SGPP2: variants seen among roughly 807,000 people sequenced by gnomAD.
The protein encoded by SGPP2 is sphingosine 1-phosphate phosphohydrolase 2.
In SGPP2, 30 loss-of-function variants were observed where a neutral mutation model predicts 33.9. The observed-to-expected ratio is 0.89, with a 90% CI of 0.66 to 1.20. SGPP2 has a LOEUF of 1.20. Among genes scored for constraint, SGPP2 ranks in the 50% most tolerant of loss-of-function variants. The probability of loss-of-function intolerance (pLI) is 0.00; values close to 1 mark genes in which losing one functional copy is unlikely to be tolerated. For synonymous variants in SGPP2, 233 were observed against 225.0 expected (o/e 1.04, Z -0.32); for missense variants, 458 against 532.1 (o/e 0.86, Z 1.37).
chr2:222,519,052 A>G (rs1698646195), intron 2 of SGPP2, among the ~76,000 whole-genome samples: 1 of 152,212 alleles, frequency 6.6e-6, no homozygotes, highest in South Asian at 2.1e-4. Context: ...AACCAAAATT[A>G]TTTTGAAATA....
At chr2:222,436,985 T>G (rs1446215756) in intron 1 of SGPP2, among the ~76,000 whole-genome samples, 4 of 152,166 alleles carry the variant, frequency 2.6e-5, no homozygotes, top group African/African-American at 9.7e-5. Context: ...CCATGGCCAC[T>G]TTGTTCATGG....
At chr2:222,425,721 A>G (rs906754993) in intron 1 of SGPP2, among the ~76,000 whole-genome samples, 1 of 152,226 alleles carries the variant, frequency 6.6e-6, no homozygotes, top group African/African-American at 2.4e-5. Context: ...CGTATTAATA[A>G]TTCGAATTCC....
rs2106101123 is a variant in SGPP2, at chr2:222,479,452, G to A, written c.378+4726G>A. On this transcript the variant is annotated intron_variant, in intron 2 of 4. Transcript: ENST00000321276. ...GAGTATCGCTCTGTCACCCAAGCTG[G>A]AGTGCAGTGGCGCGATCTCGGCTCA... Among the ~76,000 whole-genome samples, 2 of 143,300 alleles carry A rather than the reference G, an allele frequency of 1.4e-5. 1 individual carries two copies. The highest frequency in any genetic ancestry group is 4.4e-4 in the South Asian group (2 of 4,524). The allele number at this position is 143,300 out of a possible 152,430, so 94.0% of individuals were successfully genotyped here.
At chr2:222,443,089 A>G (rs535257130) in intron 1 of SGPP2, among the ~76,000 whole-genome samples, 20 of 152,230 alleles carry the variant, frequency 1.3e-4, no homozygotes, top group Non-Finnish European at 2.8e-4. Flanking sequence ...AACTGTGACA[A>G]TCTTAAAATT....
intron 4 of SGPP2, among the ~76,000 whole-genome samples, chr2:222,525,716 C>T (rs908380171): frequency 2.0e-5 from 3 of 152,276 alleles, no homozygotes; most frequent in Admixed American, 6.5e-5. Context: ...TATTTATCAT[C>T]GTAATAGGTA....
intron 2 of SGPP2, among the ~76,000 whole-genome samples, chr2:222,488,871 T>C (rs1698154431): frequency 6.6e-6 from 1 of 152,184 alleles, no homozygotes. Flanking sequence ...TTAAATTTCT[T>C]CTCGCATTCA....
intron 2 of SGPP2, among the ~76,000 whole-genome samples, chr2:222,509,869 CT>C (rs1409865545): frequency 6.6e-6 from 1 of 152,202 alleles, no homozygotes; most frequent in African/African-American, 2.4e-5. Context: ...TTTTTACCCC[CT>C]GAAAAGGAAC....
At position 222,441,048 on chromosome 2, in the gene SGPP2, A is replaced by G. The variant is rs574487897; in HGVS notation, c.219+16227A>G. ...TTTGAGGGTTACTTTGTCCATGTGTAATTTCATTGAGAGTAGCTGTCTAAT... is the reference window on the plus strand; with the variant it reads ...TTTGAGGGTTACTTTGTCCATGTGTGATTTCATTGAGAGTAGCTGTCTAAT... On this transcript the variant is annotated intron_variant, in intron 1 of 4. Coordinates refer to ENST00000321276, the MANE Select transcript of SGPP2 (RefSeq NM_152386.4). Among the ~76,000 whole-genome samples the G allele has an allele frequency of 4.2e-4, 64 of 152,382 alleles. 1 individual carries two copies. The highest frequency in any genetic ancestry group is 2.1e-4 in the South Asian group (1 of 4,830).
rs750932260 is a variant in SGPP2 at position 222,540,817 on chromosome 2, GTTTTTTT to G, written c.648+15797_648+15803del. ...CATAATTTTGTTTAGCTTATAAACT[GTTTTTTT>G]TTTTTTTTTTTTGGAGACAGAGTCT... On this transcript the variant is annotated intron_variant, in intron 4 of 4. Transcript: ENST00000321276. Among the ~76,000 whole-genome samples, 9 of 108,432 alleles carry G rather than the reference GTTTTTTT, an allele frequency of 8.3e-5. No homozygotes were observed. In the South Asian group the frequency reaches 3.0e-3, roughly 37 times the overall value. The allele number at this position is 108,432 out of a possible 152,430, so 71.1% of individuals were successfully genotyped here.
chr2:222,480,012 C>CA (rs1215092728), intron 2 of SGPP2, among the ~76,000 whole-genome samples: 2 of 152,132 alleles, frequency 1.3e-5, no homozygotes, highest in African/African-American at 4.8e-5. Context: ...AAAAAGACAG[C>CA]AAATGGATTT....
chr2:222,514,568 C>T (rs924822181), intron 2 of SGPP2, among the ~76,000 whole-genome samples: 1 of 152,142 alleles, frequency 6.6e-6, no homozygotes, highest in Non-Finnish European at 1.5e-5. Context: ...TAGTTATGGC[C>T]TTGGAAACTT....
chr2:222,485,206 A>G (rs1179690713), intron 2 of SGPP2, among the ~76,000 whole-genome samples: 1 of 152,190 alleles, frequency 6.6e-6, no homozygotes, highest in African/African-American at 2.4e-5. Context: ...TCCCCAGTCC[A>G]ATTATTCAGA....
chr2:222,456,502 A>G (rs952239452), intron 1 of SGPP2, among the ~76,000 whole-genome samples: 4 of 152,244 alleles, frequency 2.6e-5, no homozygotes, highest in Non-Finnish European at 5.9e-5. Flanking sequence ...TCATAGTCTT[A>G]TCTGAGATCA....
chr2:222,540,938 C>T (rs1370977850), intron 4 of SGPP2, among the ~76,000 whole-genome samples: 2 of 151,516 alleles, frequency 1.3e-5, no homozygotes, highest in African/African-American at 4.9e-5. Context: ...CTGCCTCAGC[C>T]TCCCAAGTAG....
chr2:222,522,848 A>T (rs879779702), intron 3 of SGPP2, among the ~76,000 whole-genome samples: 124 of 152,134 alleles, frequency 8.2e-4, no homozygotes, highest in Non-Finnish European at 1.2e-3. Context: ...CCAGATAATT[A>T]AAAAAAATTT....
chr2:222,526,030 C>G (rs1698753540), intron 4 of SGPP2, among the ~76,000 whole-genome samples: 1 of 152,198 alleles, frequency 6.6e-6, no homozygotes, highest in Non-Finnish European at 1.5e-5. Flanking sequence ...CAGAGAGCAA[C>G]ATTACGCTTT....
rs1432900734 is a variant in SGPP2, at chr2:222,477,512, T to C, written c.378+2786T>C. Among the ~76,000 whole-genome samples the C allele has an allele frequency of 1.3e-5, 2 of 151,948 alleles. No individual in the cohort carries two copies. Among genetic ancestry groups the C allele is most frequent in the African/African-American group, 4.8e-5 (2 of 41,316 alleles). ...GTGTGTATATATGTTTATGTGTATATATATGTCTGTGTATATATGTGTATT... is the reference window on the plus strand; with the variant it reads ...GTGTGTATATATGTTTATGTGTATACATATGTCTGTGTATATATGTGTATT... On this transcript the variant is annotated intron_variant, in intron 2 of 4. Transcript: ENST00000321276. The surrounding 1 kb of genome is among the most constrained non-coding windows in gnomAD (Gnocchi z 6.0).
chr2:222,482,579 A>C (rs1045377406), intron 2 of SGPP2, among the ~76,000 whole-genome samples: 12 of 152,058 alleles, frequency 7.9e-5, no homozygotes, highest in South Asian at 2.1e-4. Flanking sequence ...GGGTCTCACT[A>C]TGTTGGCCAG....
intron 1 of SGPP2, among the ~76,000 whole-genome samples, chr2:222,457,264 T>C (rs1697587212): frequency 6.6e-6 from 1 of 152,204 alleles, no homozygotes; most frequent in Admixed American, 6.5e-5. Context: ...GTTTCTTGTC[T>C]TAAAACTTCC....
Sources: allele counts gnomAD v4.1 joint callset (sites outside exome capture counted in the v4.1 genomes callset), GRCh38; gene constraint gnomAD v4.1.1; non-coding constraint Gnocchi (gnomAD v3.1); transcripts MANE v1.5; gene names NCBI Gene and HGNC (gene_info 2026-07-23, HGNC 2026-07-21).